TOMM70: variants seen among roughly 807,000 people sequenced by gnomAD.
The protein encoded by TOMM70 is mitochondrial import receptor subunit TOM70.
In TOMM70, 13 loss-of-function variants were observed where a neutral mutation model predicts 73.6. The ratio of observed to expected loss-of-function variants is 0.18; its 90% CI spans 0.11 to 0.28. TOMM70 has a LOEUF of 0.28. Ranked by LOEUF, TOMM70 falls within the 10% of genes least tolerant of loss-of-function variation. TOMM70 has a pLI of 1.00. For synonymous variants in TOMM70, 257 were observed against 271.2 expected, an observed-to-expected ratio of 0.95 and a Z score of 0.51; for missense variants, 609 against 747.5, an observed-to-expected ratio of 0.81 and a Z score of 2.16.
chr3:100,376,104 T>C (rs1706560903), intron 6 of TOMM70, among the ~76,000 whole-genome samples: 1 of 152,214 alleles, frequency 6.6e-6, no homozygotes, highest in Non-Finnish European at 1.5e-5. Flanking sequence ...TGAAGTGGCA[T>C]CTCATGGTGG....
At chr3:100,386,418 A>C in intron 2 of TOMM70, 74 bp from the exon 3 acceptor site, 1 of 1,423,690 alleles carries the variant, frequency 7.0e-7, no homozygotes, top group Non-Finnish European at 9.3e-7. Context: ...TAAACTTGAT[A>C]GGTTGAGTAT....
chr3:100,373,645 G>C lies in TOMM70; in HGVS notation c.1228C>G (p.Leu410Val). Reference sequence around the variant, plus strand: ...TCAACTTGATCAAGGAGTATTTTCAGCTAAGAAAAAAATACGTAAATAAAT... The same window carrying C: ...TCAACTTGATCAAGGAGTATTTTCACCTAAGAAAAAAATACGTAAATAAAT... ...NADVYHHRGQLKILLDQVEEA... is the reference protein window; with the variant it reads ...NADVYHHRGQVKILLDQVEEA... Residue 410 changes from leucine to valine, a missense_variant and splice_region_variant, in exon 8 of 12, where the codon CTG becomes GTG. This residue lies in a region of TOMM70 where 432 missense variants were observed against 584.1 expected (regional missense o/e 0.74). Coordinates refer to ENST00000284320, the MANE Select transcript of TOMM70 (RefSeq NM_014820.5). 3 of 1,605,658 alleles carry C rather than the reference G, an allele frequency of 1.9e-6. No individual in the cohort carries two copies. In the South Asian group the frequency reaches 3.3e-5, roughly 18 times the overall value.
At chr3:100,399,619 C>T (rs1453454776) in intron 1 of TOMM70, among the ~76,000 whole-genome samples, 2 of 152,180 alleles carry the variant, frequency 1.3e-5, no homozygotes, top group African/African-American at 4.8e-5. Context: ...AATGCTTGGC[C>T]TCACATCAGA....
chr3:100,393,496 T>A (rs984110353), intron 1 of TOMM70, among the ~76,000 whole-genome samples: 1 of 151,928 alleles, frequency 6.6e-6, no homozygotes, highest in African/African-American at 2.4e-5. Context: ...ACATATTGGG[T>A]ACAATGTACA....
chr3:100,400,991 G>A lies in TOMM70; in HGVS notation c.-42C>T. ...CACCGCCTCCCTGTCTGTCGCGAGCGCCACAATCACCAAACAGCGTGCGAA... is the reference window on the plus strand; with the variant it reads ...CACCGCCTCCCTGTCTGTCGCGAGCACCACAATCACCAAACAGCGTGCGAA... On this transcript the variant is annotated 5_prime_UTR_variant, in exon 1 of 12. Transcript: ENST00000284320. 6.6e-7 allele frequency: 1 copy of A among 1,515,002 alleles called. No homozygotes were observed. The highest frequency in any genetic ancestry group is 8.8e-7 in the Non-Finnish European group (1 of 1,132,926). 93.8% of individuals were successfully genotyped at this position (1,515,002 alleles called of 1,614,324 possible). A position where few individuals can be genotyped will look rare whatever the true frequency, so the allele number is the denominator to read the frequency against.
At chr3:100,394,302 C>T (rs1051135629) in intron 1 of TOMM70, among the ~76,000 whole-genome samples, 23 of 151,810 alleles carry the variant, frequency 1.5e-4, no homozygotes, top group Admixed American at 1.4e-3. Flanking sequence ...TAGCAAATAA[C>T]TCTGGAACAC....
Position 100,375,072 on chromosome 3 carries a change from G to A in TOMM70, c.1173C>T (p.Asn391=). 6.2e-7 allele frequency: 1 copy of A among 1,610,216 alleles called. No individual in the cohort carries two copies. Among genetic ancestry groups the A allele is most frequent in the Non-Finnish European group, 8.5e-7 (1 of 1,178,620 alleles). Residue 391 remains asparagine (N), a synonymous_variant, in exon 7 of 12, where the codon AAC becomes AAT. Transcript: ENST00000284320. ...QQPLLSTQDF[N]MAADIDPQNA... ...TCTGAGGATCGATGTCAGCAGCCAT[G>A]TTAAAATCTTGAGTGGACAGCAAAG...
In TOMM70 at chr3:100,377,701, G is replaced by T; in HGVS notation, c.1092+4C>A. On this transcript the variant is annotated splice_donor_region_variant and intron_variant, in intron 6 of 11. Coordinates refer to ENST00000284320, the MANE Select transcript of TOMM70 (RefSeq NM_014820.5). ...AATTTCTTCACACACATTTTTTAAT[G>T]TACCTTCACATTAGCTTCTTTCAAA... 6.2e-7 allele frequency: 1 copy of T among 1,600,324 alleles called. No individual in the cohort carries two copies. Among genetic ancestry groups the T allele is most frequent in the Non-Finnish European group, 8.6e-7 (1 of 1,169,220 alleles).
intron 1 of TOMM70, among the ~76,000 whole-genome samples, chr3:100,399,349 C>T (rs1277695971): frequency 2.0e-5 from 3 of 151,818 alleles, no homozygotes; most frequent in Non-Finnish European, 2.9e-5. Context: ...TAAGTGTATA[C>T]ACTTGGATAC....
chr3:100,401,025 G>C lies in TOMM70; in HGVS notation c.-76C>G. The C allele has an allele frequency of 1.4e-6, 2 of 1,425,544 alleles. No individual in the cohort carries two copies. The highest frequency in any genetic ancestry group is 1.2e-5 in the South Asian group (1 of 80,494). 88.3% of individuals were successfully genotyped at this position (1,425,544 alleles called of 1,614,324 possible). ...ACCAAACAGCGTGCGAAGGAAGACCGAGGGAGGGAAGGAAAGCAATGAGCG... is the reference window on the plus strand; with the variant it reads ...ACCAAACAGCGTGCGAAGGAAGACCCAGGGAGGGAAGGAAAGCAATGAGCG... On this transcript the variant is annotated 5_prime_UTR_variant, in exon 1 of 12. Transcript: ENST00000284320.
Position 100,365,541 on chromosome 3 carries a change from GGTCA to G in TOMM70, c.*19_*22del, listed in dbSNP as rs749391002. ...AGAGGGGGTAAACTTTTAAAAAGAG[GGTCA>G]GTCTGCTTTCCCCCTGTTTTATAAT... On this transcript the variant is annotated 3_prime_UTR_variant, in exon 12 of 12. Coordinates refer to ENST00000284320, the MANE Select transcript of TOMM70 (RefSeq NM_014820.5). 9.9e-6 allele frequency: 16 copies of G among 1,613,858 alleles called. No individual in the cohort carries two copies. In the African/African-American group the frequency reaches 2.0e-4, roughly 20 times the overall value.
rs182462520 is a variant in TOMM70 at position 100,393,811 on chromosome 3, T to C, written c.324+6815A>G. Among the ~76,000 whole-genome samples the C allele has an allele frequency of 3.3e-5, 5 of 152,238 alleles. No individual in the cohort carries two copies. In the East Asian group the frequency reaches 9.6e-4, roughly 29 times the overall value. On this transcript the variant is annotated intron_variant, in intron 1 of 11. Transcript: ENST00000284320. ...GAAAATCAGGTTTTGCTTAGGATAG[T>C]CAGTGAAGGCTACTCATGAGAATCC...
intron 7 of TOMM70, among the ~76,000 whole-genome samples, chr3:100,374,549 C>T (rs974347805): frequency 6.6e-6 from 1 of 152,150 alleles, no homozygotes. Flanking sequence ...GAAACTGTTT[C>T]TTCACTATAT....
chr3:100,398,561 G>A (rs1706850335), intron 1 of TOMM70, among the ~76,000 whole-genome samples: 1 of 152,084 alleles, frequency 6.6e-6, no homozygotes, highest in African/African-American at 2.4e-5. Flanking sequence ...CAAAATTGAT[G>A]TAAGACAAGT....
chr3:100,392,799 G>A (rs777697291), intron 1 of TOMM70, among the ~76,000 whole-genome samples: 95 of 152,088 alleles, frequency 6.2e-4, no homozygotes, highest in Non-Finnish European at 1.2e-3. Flanking sequence ...CTACTACTGG[G>A]TATCTACCCA....
intron 6 of TOMM70, chr3:100,377,500 C>G (rs911367186): frequency 2.4e-5 from 13 of 552,886 alleles, no homozygotes; most frequent in Admixed American, 1.6e-4. Context: ...AAAAAATTTC[C>G]TTTCCTAAAT....
At chr3:100,368,262 T>C in intron 10 of TOMM70, 96 bp from the exon 11 acceptor site, 1 of 1,415,984 alleles carries the variant, frequency 7.1e-7, no homozygotes, top group Non-Finnish European at 9.5e-7. Flanking sequence ...TCAATGAACT[T>C]ATAAGTTAAC....
At chr3:100,371,661 T>G (rs1222047359) in intron 9 of TOMM70, among the ~76,000 whole-genome samples, 2 of 151,844 alleles carry the variant, frequency 1.3e-5, no homozygotes, top group Non-Finnish European at 2.9e-5. Context: ...AAAAGAAAAA[T>G]AAATTACATA....
intron 7 of TOMM70, among the ~76,000 whole-genome samples, chr3:100,374,661 G>C (rs576167679): frequency 6.6e-6 from 1 of 152,074 alleles, no homozygotes. Flanking sequence ...ATAGCAAGAA[G>C]CTCACAAAAA....
Sources: gnomAD v4.1 joint callset for allele counts (sites outside exome capture counted in the v4.1 genomes callset) on GRCh38, gnomAD v4.1.1 for gene constraint, gnomAD v4.1.1 regional missense constraint, MANE v1.5 for transcripts, NCBI Gene and HGNC (gene_info 2026-07-23, HGNC 2026-07-21) for gene names.